The following CARMIL1 variants were observed in gnomAD, a reference collection of about 807,000 sequenced individuals.
CARMIL1 encodes F-actin-uncapping protein LRRC16A.
In CARMIL1, 90 loss-of-function variants were observed where a neutral mutation model predicts 177.1. The observed-to-expected ratio is 0.51, with a 90% confidence interval of 0.43 to 0.61. The LOEUF (loss-of-function observed/expected upper bound fraction) is 0.61, where lower values mean the gene tolerates loss of function less well. Ranked by LOEUF, CARMIL1 falls within the 20% of genes least tolerant of loss-of-function variation. The pLI, the probability that CARMIL1 is intolerant of heterozygous loss-of-function variation, is 0.00. For missense variants in CARMIL1, 1,380 were observed against 1,667.0 expected, an observed-to-expected ratio of 0.83 and a Z score of 3.00; for synonymous variants, 577 against 606.2, an observed-to-expected ratio of 0.95 and a Z score of 0.71.
At chr6:25,480,285 C>T (rs913466394) in intron 11 of CARMIL1, among the ~76,000 whole-genome samples, 4 of 151,810 alleles carry the variant, frequency 2.6e-5, no homozygotes, top group African/African-American at 4.8e-5. Context: ...ATTATATATG[C>T]GTGTGTGTTT....
chr6:25,354,330 ATTTTTTT>A (rs67395838), intron 2 of CARMIL1, among the ~76,000 whole-genome samples: 7 of 80,602 alleles, frequency 8.7e-5, no homozygotes, highest in Admixed American at 3.2e-4. Context: ...GACTAATTAA[ATTTTTTT>A]TTTTTTTTTT....
intron 5 of CARMIL1, among the ~76,000 whole-genome samples, chr6:25,449,613 A>G (rs1312606764): frequency 1.3e-5 from 2 of 152,250 alleles, no homozygotes; most frequent in Non-Finnish European, 2.9e-5. Flanking sequence ...AAGTGGAGCA[A>G]CTTTTCAAAC....
In CARMIL1 at chr6:25,279,743, G is replaced by A; in HGVS notation, c.-53G>A. The A allele has an allele frequency of 6.3e-7, 1 of 1,576,678 alleles. No individual in the cohort carries two copies. The highest frequency in any genetic ancestry group is 2.2e-5 in the East Asian group (1 of 44,680). On this transcript the variant is annotated 5_prime_UTR_variant, in exon 1 of 37. Coordinates refer to ENST00000329474, the MANE Select transcript of CARMIL1 (RefSeq NM_017640.6). ...ATTGAGGAGTTCGGGGAAGGGCAGG[G>A]GGCCATAAATCAGAGTTGGACCTGC...
chr6:25,588,000 AACC>A (rs1322447856), intron 31 of CARMIL1, among the ~76,000 whole-genome samples: 1 of 152,234 alleles, frequency 6.6e-6, no homozygotes, highest in African/African-American at 2.4e-5. Context: ...GCAATAAAAA[AACC>A]ACAACAATAA....
chr6:25,324,162 T>C (rs1220975587), intron 2 of CARMIL1, among the ~76,000 whole-genome samples: 1 of 152,220 alleles, frequency 6.6e-6, no homozygotes, highest in Non-Finnish European at 1.5e-5. Context: ...CACCTTCTCC[T>C]GTCTGCTGCT....
intron 2 of CARMIL1, among the ~76,000 whole-genome samples, chr6:25,345,232 C>A (rs1787385854): frequency 6.6e-6 from 1 of 152,192 alleles, no homozygotes; most frequent in Non-Finnish European, 1.5e-5. Flanking sequence ...GAAATACATT[C>A]TTTACAGGAC....
rs919691900 is a variant in CARMIL1, at chr6:25,593,521, C to A, written c.3007-894C>A. Among the ~76,000 whole-genome samples the A allele has an allele frequency of 2.6e-5, 4 of 152,140 alleles. No homozygotes were observed. In the East Asian group the frequency reaches 7.7e-4, roughly 29 times the overall value. On this transcript the variant is annotated intron_variant, in intron 31 of 36. Transcript: ENST00000329474. ...TATTATGAAATACTCAATACTGACTCAAAAGTGACTTAAACAATGAGAAAT... is the reference window on the plus strand; with the variant it reads ...TATTATGAAATACTCAATACTGACTAAAAAGTGACTTAAACAATGAGAAAT...
At chr6:25,357,662 C>G (rs1010119797) in intron 2 of CARMIL1, among the ~76,000 whole-genome samples, 1 of 152,118 alleles carries the variant, frequency 6.6e-6, no homozygotes, top group African/African-American at 2.4e-5. Context: ...TTTTAATAAG[C>G]CTTGAAAAGC....
intron 5 of CARMIL1, among the ~76,000 whole-genome samples, chr6:25,437,994 A>G (rs1581939370): frequency 2.0e-5 from 3 of 152,158 alleles, no homozygotes; most frequent in Admixed American, 6.5e-5. Context: ...TTCTTTGCCT[A>G]AGCTCTCAAA....
At chr6:25,310,789 T>C (rs1783751342) in intron 2 of CARMIL1, among the ~76,000 whole-genome samples, 1 of 152,194 alleles carries the variant, frequency 6.6e-6, no homozygotes, top group Admixed American at 6.5e-5. Context: ...ATTCAACAAA[T>C]ATTAAAATAT....
rs60360296 is a variant in CARMIL1, at chr6:25,508,784, G to C, written c.1396-872G>C. 9.8e-3 allele frequency among the ~76,000 whole-genome samples: 1,418 copies of C among 145,378 alleles called. 16 individuals carry two copies. The highest frequency in any genetic ancestry group is 0.031 in the African/African-American group (1,211 of 39,428). ...ATAGTTTGTTTTTCCTCATTAGATAGTAAGTTTACAGAGCAAAAGGGCCAC... is the reference window on the plus strand; with the variant it reads ...ATAGTTTGTTTTTCCTCATTAGATACTAAGTTTACAGAGCAAAAGGGCCAC... On this transcript the variant is annotated intron_variant, in intron 17 of 36. Coordinates refer to ENST00000329474, the MANE Select transcript of CARMIL1 (RefSeq NM_017640.6).
intron 33 of CARMIL1, among the ~76,000 whole-genome samples, chr6:25,601,602 TA>T (rs1815409742): frequency 6.6e-6 from 1 of 152,196 alleles, no homozygotes; most frequent in Non-Finnish European, 1.5e-5. Flanking sequence ...ATTCCAGATT[TA>T]AAAGACAAAG....
At chr6:25,461,311 T>C (rs546269582) in intron 8 of CARMIL1, among the ~76,000 whole-genome samples, 6 of 152,374 alleles carry the variant, frequency 3.9e-5, no homozygotes, top group Admixed American at 3.3e-4. Flanking sequence ...GCCTCCTAAG[T>C]GTAGCTTTCA....
intron 20 of CARMIL1, among the ~76,000 whole-genome samples, chr6:25,511,417 G>A (rs888970494): frequency 2.4e-4 from 37 of 152,148 alleles, no homozygotes; most frequent in Non-Finnish European, 5.0e-4. Context: ...GAGCTGGTGT[G>A]TTACACCTTA....
At position 25,420,151 on chromosome 6, in the gene CARMIL1, G is replaced by A. The variant is rs190109040; in HGVS notation, c.176G>A (p.Arg59Gln). The A allele has an allele frequency of 2.9e-5, 47 of 1,613,440 alleles. No homozygotes were observed. The East Asian group carries it at 7.1e-4, about 24-fold the overall frequency. Residue 59 changes from arginine to glutamine, a missense_variant, in exon 3 of 37, where the codon CGA becomes CAA. Transcript: ENST00000329474. ...TGCCGAGCCTTCCTTGTAACAGCGC[G>A]AATCCCCACCAAGGTAAGTGTTGAT... ...TSCRAFLVTA[R>Q]IPTKLELTFS... is the part of the protein sequence containing the mutation.
intron 2 of CARMIL1, among the ~76,000 whole-genome samples, chr6:25,393,821 A>G (rs1043849648): frequency 7.3e-5 from 11 of 151,702 alleles, no homozygotes; most frequent in African/African-American, 2.4e-4. Context: ...TGCACCACAC[A>G]CTCTAGCCTG....
At chr6:25,430,684 G>C (rs12200111) in intron 4 of CARMIL1, among the ~76,000 whole-genome samples, 15,426 of 152,060 alleles carry the variant, frequency 0.1, 930 homozygotes, top group East Asian at 0.2. Flanking sequence ...ACCTCCCTCA[G>C]CCTCCCAAAG....
chr6:25,450,898 CTTTT>C (rs1798792962), intron 8 of CARMIL1, among the ~76,000 whole-genome samples, 187 bp downstream of exon 8: 1 of 114,676 alleles, frequency 8.7e-6, no homozygotes, highest in African/African-American at 3.2e-5. Flanking sequence ...CTTTTCTTTT[CTTTT>C]TTCTTTTCCT....
chr6:25,383,414 G>A (rs575701298), intron 2 of CARMIL1, among the ~76,000 whole-genome samples: 1 of 152,290 alleles, frequency 6.6e-6, no homozygotes, highest in Admixed American at 6.5e-5. Context: ...CCATAGAGAA[G>A]AGGGTAATGT....
Sources: allele counts gnomAD v4.1 joint callset (sites outside exome capture counted in the v4.1 genomes callset), GRCh38; gene constraint gnomAD v4.1.1; transcripts MANE v1.5; gene names NCBI Gene and HGNC (gene_info 2026-07-23, HGNC 2026-07-21).